The following NCAPG2 variants were observed in gnomAD, a reference collection of about 807,000 sequenced individuals.
NCAPG2 encodes the protein condensin-2 complex subunit G2.
A neutral mutation model predicts 141.1 loss-of-function variants in NCAPG2; 53 were observed. That is an observed-to-expected ratio of 0.38 (90% CI 0.30 to 0.47). The LOEUF (loss-of-function observed/expected upper bound fraction) is 0.47, where lower values mean the gene tolerates loss of function less well. NCAPG2 is among the 20% of genes least tolerant of loss of function. NCAPG2 has a pLI of 0.99. For missense variants in NCAPG2, 1,087 were observed against 1,389.0 expected (o/e 0.78, Z 3.46); for synonymous variants, 499 against 490.7 (o/e 1.02, Z -0.22).
intron 10 of NCAPG2, 69 bp from the exon 11 acceptor site, chr7:158,680,154 TCCCAA>T: frequency 6.8e-7 from 1 of 1,473,816 alleles, no homozygotes; most frequent in Non-Finnish European, 9.3e-7. Flanking sequence ...AGTACAGTGT[TCCCAA>T]AGTAACACTT....
intron 13 of NCAPG2, among the ~76,000 whole-genome samples, 187 bp downstream of exon 13, chr7:158,671,327 A>G (rs1408415592): frequency 6.6e-6 from 1 of 152,262 alleles, no homozygotes; most frequent in Non-Finnish European, 1.5e-5. Context: ...TCTTTCAGAA[A>G]GAAAACACAT....
intron 12 of NCAPG2, among the ~76,000 whole-genome samples, chr7:158,672,433 C>T (rs1833797844): frequency 6.9e-6 from 1 of 143,942 alleles, no homozygotes; most frequent in African/African-American, 2.6e-5. Context: ...AGCTCTGCCT[C>T]CCGGGTTCAT....
rs533739991 is a variant in NCAPG2, at chr7:158,631,471, C to A, written c.*195G>T. 8.2e-6 allele frequency: 5 copies of A among 609,120 alleles called. No individual in the cohort carries two copies. Among genetic ancestry groups the A allele is most frequent in the East Asian group, 2.9e-5 (1 of 34,462 alleles). 37.7% of individuals were successfully genotyped at this position (609,120 alleles called of 1,614,324 possible). On this transcript the variant is annotated 3_prime_UTR_variant, in exon 28 of 28. Transcript: ENST00000356309. The stretch of plus-strand genomic sequence containing the variant: ...TCCTTTATATTAAATATATTATTTA[C>A]GCAGGCACTAGGCAAAATTGAAGAA...
chr7:158,651,384 A>G (rs972250122), intron 23 of NCAPG2, among the ~76,000 whole-genome samples: 2 of 152,260 alleles, frequency 1.3e-5, no homozygotes, highest in Admixed American at 1.3e-4. Context: ...GATCACAGGC[A>G]CTTGAAACAA....
At chr7:158,648,547 GCAAATGGACGACAACCACGC>G (rs1563504144) in intron 24 of NCAPG2, among the ~76,000 whole-genome samples, 806 of 108,640 alleles carry the variant, frequency 7.4e-3, no homozygotes, top group African/African-American at 0.02. Flanking sequence ...GACAACCACG[GCAAATGGACGACAACCACGC>G]CAAATGGACG....
rs368912760 is a variant in NCAPG2 at position 158,631,829 on chromosome 7, CA to C, written c.3381-113del. 1.2e-3 allele frequency: 1,040 copies of C among 849,098 alleles called. 7 individuals are homozygous for C. In the African/African-American group the frequency reaches 0.016, roughly 13 times the overall value. The allele number at this position is 849,098 out of a possible 1,614,324, so 52.6% of individuals were successfully genotyped here. A position where few individuals can be genotyped will look rare whatever the true frequency, so the allele number is the denominator to read the frequency against. On this transcript the variant is annotated intron_variant, in intron 27 of 27. Transcript: ENST00000356309. Reference sequence around the variant, plus strand: ...TGGTTTGCAACCATGCATTTAAAAACAAAGTTGAAATAATCTATAGATGTTT... The same window carrying C: ...TGGTTTGCAACCATGCATTTAAAAACAAGTTGAAATAATCTATAGATGTTT...
At chr7:158,694,056 C>G (rs1835287485) in intron 2 of NCAPG2, among the ~76,000 whole-genome samples, 1 of 152,132 alleles carries the variant, frequency 6.6e-6, no homozygotes, top group African/African-American at 2.4e-5. Context: ...AAATTTGGAA[C>G]AATGTGAGCA....
chr7:158,700,007 ACAG>A (rs1221516157), intron 2 of NCAPG2, among the ~76,000 whole-genome samples: 6 of 152,170 alleles, frequency 3.9e-5, no homozygotes, highest in Non-Finnish European at 8.8e-5. Context: ...GTGTGGGATT[ACAG>A]CAGAACTAAC....
At chr7:158,649,859 A>C (rs1563506727) in intron 24 of NCAPG2, among the ~76,000 whole-genome samples, 1 of 152,254 alleles carries the variant, frequency 6.6e-6, no homozygotes, top group Non-Finnish European at 1.5e-5. Flanking sequence ...GAGGAAAACA[A>C]CACCCTGAAT....
intron 6 of NCAPG2, among the ~76,000 whole-genome samples, chr7:158,687,649 G>C (rs554046725): frequency 6.6e-6 from 1 of 152,194 alleles, no homozygotes; most frequent in African/African-American, 2.4e-5. Context: ...CCCCAGGGCC[G>C]AGCAGCCGCT....
At chr7:158,636,402 CTT>C (rs59810481) in intron 27 of NCAPG2, among the ~76,000 whole-genome samples, 12 of 135,744 alleles carry the variant, frequency 8.8e-5, no homozygotes, top group Non-Finnish European at 6.3e-5. Context: ...TTCTTTTTTT[CTT>C]TTTTTTTTTT....
chr7:158,656,211 C>A, intron 19 of NCAPG2, 49 bp downstream of exon 19: 4 of 1,578,250 alleles, frequency 2.5e-6, no homozygotes, highest in Non-Finnish European at 3.5e-6. Context: ...TTTGATTTGT[C>A]ACCCCCACAA....
At chr7:158,636,274 T>C (rs1274158439) in intron 27 of NCAPG2, among the ~76,000 whole-genome samples, 1 of 152,188 alleles carries the variant, frequency 6.6e-6, no homozygotes, top group Non-Finnish European at 1.5e-5. Flanking sequence ...AGCCTGAAAC[T>C]AAGTATAAGT....
At chr7:158,677,525 C>CAAAAAAAAAAACAA (rs1834142951) in intron 11 of NCAPG2, among the ~76,000 whole-genome samples, 1 of 90,404 alleles carries the variant, frequency 1.1e-5, no homozygotes, top group Non-Finnish European at 2.1e-5. Flanking sequence ...AAAAATAAAG[C>CAAAAAAAAAAACAA]AAAAAAAAAA....
At chr7:158,644,222 C>G in intron 27 of NCAPG2, 67 bp downstream of exon 27, 1 of 1,323,946 alleles carries the variant, frequency 7.6e-7, no homozygotes, top group Non-Finnish European at 1.1e-6. Context: ...AAAATACAAC[C>G]TCATGCAGAT....
Position 158,638,078 on chromosome 7 carries a change from A to G in NCAPG2, c.3380+6211T>C, listed in dbSNP as rs186979978. On this transcript the variant is annotated intron_variant, in intron 27 of 27. Coordinates refer to ENST00000356309, the MANE Select transcript of NCAPG2 (RefSeq NM_017760.7). ...AGAATTACTTGAACCTGGGAGGCAA[A>G]GGTTGCAGTGAGCCAAGATCGCACC... 3.3e-3 allele frequency among the ~76,000 whole-genome samples: 498 copies of G among 152,232 alleles called. 2 individuals carry two copies. The highest frequency in any genetic ancestry group is 4.9e-3 in the Non-Finnish European group (331 of 68,024).
chr7:158,692,771 A>G, intron 4 of NCAPG2, 71 bp downstream of exon 4: 1 of 990,232 alleles, frequency 1.0e-6, no homozygotes, highest in Non-Finnish European at 1.6e-6. Context: ...ATGAATAAAT[A>G]AAAACAGAAA....
intron 12 of NCAPG2, among the ~76,000 whole-genome samples, chr7:158,672,290 GTGTATA>G (rs1239862596): frequency 8.1e-5 from 2 of 24,708 alleles, no homozygotes; most frequent in African/African-American, 1.7e-4. Flanking sequence ...GTGTGTGTGT[GTGTATA>G]TATATATATA....
intron 8 of NCAPG2, among the ~76,000 whole-genome samples, chr7:158,684,350 G>C (rs978563155): frequency 6.6e-6 from 1 of 152,230 alleles, no homozygotes; most frequent in Non-Finnish European, 1.5e-5. Context: ...TTAAGAAAAG[G>C]AAAGGAGGGA....
Sources: allele counts gnomAD v4.1 joint callset (sites outside exome capture counted in the v4.1 genomes callset), GRCh38; gene constraint gnomAD v4.1.1; transcripts MANE v1.5; gene names NCBI Gene and HGNC (gene_info 2026-07-23, HGNC 2026-07-21).